The following SLC25A26 variants were observed in gnomAD, a reference collection of about 807,000 sequenced individuals.
The protein encoded by SLC25A26 is mitochondrial S-adenosylmethionine carrier protein.
A neutral mutation model predicts 37.8 loss-of-function variants in SLC25A26; 36 were observed. The observed-to-expected ratio is 0.95, with a 90% CI of 0.73 to 1.26. The LOEUF (loss-of-function observed/expected upper bound fraction) is 1.26. SLC25A26 is among the 50% of genes most tolerant of loss of function. The pLI, the probability that SLC25A26 is intolerant of heterozygous loss-of-function variation, is 0.00. For missense variants in SLC25A26, 390 were observed against 331.1 expected (o/e 1.18, Z -1.38); for synonymous variants, 129 against 122.5 (o/e 1.05, Z -0.35).
intron 5 of SLC25A26, among the ~76,000 whole-genome samples, chr3:66,307,786 G>A (rs2075268976): frequency 6.6e-6 from 1 of 152,114 alleles, no homozygotes; most frequent in African/African-American, 2.4e-5. Flanking sequence ...TTTTTGTCAG[G>A]TTTGTCAAAG....
chr3:66,170,486 G>A (rs1446255063), intron 1 of SLC25A26, among the ~76,000 whole-genome samples: 1 of 152,196 alleles, frequency 6.6e-6, no homozygotes, highest in Non-Finnish European at 1.5e-5. Context: ...TTGTGATGAA[G>A]AGCGCATGGT....
At chr3:66,322,016 G>A (rs1417840406) in intron 5 of SLC25A26, among the ~76,000 whole-genome samples, 3 of 152,054 alleles carry the variant, frequency 2.0e-5, no homozygotes, top group African/African-American at 7.2e-5. Context: ...CATGACCCAA[G>A]TACCTCCCAT....
upstream of SLC25A26, chr3:66,220,595 A>G (rs2071441273): frequency 6.4e-6 from 1 of 156,646 alleles, no homozygotes; most frequent in Non-Finnish European, 1.4e-5. Flanking sequence ...TTAATTTAAT[A>G]TAAACTCAGA....
intron 1 of SLC25A26, among the ~76,000 whole-genome samples, chr3:66,215,280 C>T (rs951392548): frequency 6.6e-6 from 1 of 152,118 alleles, no homozygotes; most frequent in African/African-American, 2.4e-5. Flanking sequence ...CGGTTCACTA[C>T]AGCCTTGACC....
chr3:66,333,218 A>T (rs1490079140), intron 5 of SLC25A26, among the ~76,000 whole-genome samples: 1 of 152,162 alleles, frequency 6.6e-6, no homozygotes, highest in Non-Finnish European at 1.5e-5. Context: ...TGGCCCAAGC[A>T]AATATTCTTC....
intron 1 of SLC25A26, among the ~76,000 whole-genome samples, chr3:66,222,442 A>G (rs2071544960): frequency 6.6e-6 from 1 of 152,188 alleles, no homozygotes; most frequent in Non-Finnish European, 1.5e-5. Flanking sequence ...CGGCCTCCCA[A>G]AGTGCTGGGA....
At chr3:66,149,871 T>C (rs1462742187) in intron 1 of SLC25A26, among the ~76,000 whole-genome samples, 1 of 152,234 alleles carries the variant, frequency 6.6e-6, no homozygotes, top group African/African-American at 2.4e-5. Flanking sequence ...ATGACTCTTG[T>C]GATCCTTGTT....
intron 1 of SLC25A26, among the ~76,000 whole-genome samples, chr3:66,180,636 A>T (rs1472247731): frequency 6.6e-6 from 1 of 152,058 alleles, no homozygotes; most frequent in African/African-American, 2.4e-5. Context: ...TCTGGGCAGA[A>T]GTCAGAGCTG....
At chr3:66,339,786 A>C (rs938974855) in intron 5 of SLC25A26, among the ~76,000 whole-genome samples, 1 of 151,978 alleles carries the variant, frequency 6.6e-6, no homozygotes, top group African/African-American at 2.4e-5. Flanking sequence ...TGATTTGCAA[A>C]TATTTTCTCT....
In SLC25A26 at chr3:66,264,117, A is replaced by C. The variant is rs181422204; in HGVS notation, c.453+738A>C. On this transcript the variant is annotated intron_variant, in intron 5 of 9. Transcript: ENST00000354883. ...CATGACGAAACCTCGTCTCTACTAA[A>C]AATATAAAAATTAGCCAAGTGGTGG... Among the ~76,000 whole-genome samples the C allele has an allele frequency of 1.8e-4, 28 of 152,138 alleles. No individual in the cohort carries two copies. In the East Asian group the frequency reaches 2.7e-3, roughly 15 times the overall value.
At chr3:66,159,753 G>A (rs182811785) in intron 1 of SLC25A26, among the ~76,000 whole-genome samples, 54 of 152,240 alleles carry the variant, frequency 3.5e-4, no homozygotes, top group African/African-American at 7.9e-4. Flanking sequence ...ATAGCTTCCC[G>A]TGAACAGCAA....
At chr3:66,233,011 C>T (rs1465643074) in intron 1 of SLC25A26, among the ~76,000 whole-genome samples, 2 of 152,276 alleles carry the variant, frequency 1.3e-5, no homozygotes, top group East Asian at 3.9e-4. Flanking sequence ...CCGAGACTGT[C>T]GGGAATGTTT....
chr3:66,321,638 T>TTGA (rs964563882), intron 5 of SLC25A26, among the ~76,000 whole-genome samples: 1 of 152,192 alleles, frequency 6.6e-6, no homozygotes, highest in African/African-American at 2.4e-5. Context: ...ATGAAGCAGG[T>TTGA]TGATACTTGA....
intron 1 of SLC25A26, among the ~76,000 whole-genome samples, chr3:66,163,834 A>G (rs755904581): frequency 2.6e-5 from 4 of 152,226 alleles, no homozygotes; most frequent in African/African-American, 4.8e-5. Context: ...TCATTTATTT[A>G]GACTAGTGGT....
chr3:66,323,203 G>A (rs1027608449), intron 5 of SLC25A26, among the ~76,000 whole-genome samples: 1 of 152,112 alleles, frequency 6.6e-6, no homozygotes, highest in East Asian at 1.9e-4. Context: ...AAGGGGTGAT[G>A]GAAGAGAGAG....
chr3:66,222,663 T>A (rs1204420153), intron 1 of SLC25A26, among the ~76,000 whole-genome samples: 1 of 152,174 alleles, frequency 6.6e-6, no homozygotes, highest in Non-Finnish European at 1.5e-5. Context: ...TACCAAGAGA[T>A]TAGATAACTA....
At chr3:66,136,706 TTTCTCTTGGC>T (rs2069951626) in intron 1 of SLC25A26, among the ~76,000 whole-genome samples, 2 of 152,252 alleles carry the variant, frequency 1.3e-5, no homozygotes, top group Non-Finnish European at 2.9e-5. Context: ...GACTGGGATA[TTTCTCTTGGC>T]TTTGCATCAA....
chr3:66,208,754 A>G (rs1475853246), intron 1 of SLC25A26, among the ~76,000 whole-genome samples: 2 of 143,424 alleles, frequency 1.4e-5, no homozygotes, highest in African/African-American at 2.5e-5. Flanking sequence ...GTGTATATAT[A>G]TATTTATATG....
intron 5 of SLC25A26, among the ~76,000 whole-genome samples, chr3:66,290,249 G>A (rs1243519003): frequency 2.0e-5 from 3 of 150,846 alleles, no homozygotes; most frequent in Non-Finnish European, 3.0e-5. Flanking sequence ...GTACAATTAT[G>A]TCATCTGCAA....
Sources: allele counts gnomAD v4.1 joint callset (sites outside exome capture counted in the v4.1 genomes callset), GRCh38; gene constraint gnomAD v4.1.1; transcripts MANE v1.5; gene names NCBI Gene and HGNC (gene_info 2026-07-23, HGNC 2026-07-21).